The following SEMA3D variants were observed in gnomAD, a reference collection of about 807,000 sequenced individuals.
The protein encoded by SEMA3D is semaphorin 3D.
A neutral mutation model predicts 100.1 loss-of-function variants in SEMA3D; 84 were observed. That is an observed-to-expected ratio of 0.84 (90% CI 0.70 to 1.01). The LOEUF (loss-of-function observed/expected upper bound fraction) is 1.01. Among genes scored for constraint, SEMA3D ranks in the 50% least tolerant of loss-of-function variants. SEMA3D has a pLI of 0.00. For synonymous variants in SEMA3D, 312 were observed against 320.7 expected, an observed-to-expected ratio of 0.97 and a Z score of 0.29; for missense variants, 875 against 934.1, an observed-to-expected ratio of 0.94 and a Z score of 0.82.
In SEMA3D at chr7:85,010,394, GTAAGTGGGGTATACAAC is replaced by G. The variant is rs549193343; in HGVS notation, c.1768+2371_1768+2387del. ...GTTTTTAAAAAGATGACTCTGGCTA[GTAAGTGGGGTATACAAC>G]TAAGTGGGGTACAGACAGAAGTGGT... On this transcript the variant is annotated intron_variant, in intron 17 of 18. Transcript: ENST00000284136. Among the ~76,000 whole-genome samples, 542 of 151,928 alleles carry G rather than the reference GTAAGTGGGGTATACAAC, an allele frequency of 3.6e-3. 1 individual carries two copies. The highest frequency in any genetic ancestry group is 0.011 in the African/African-American group (444 of 41,508).
At chr7:85,100,534 C>A (rs1788713500) in intron 3 of SEMA3D, among the ~76,000 whole-genome samples, 1 of 151,526 alleles carries the variant, frequency 6.6e-6, no homozygotes, top group Non-Finnish European at 1.5e-5. Flanking sequence ...GACTTTTAAC[C>A]AATTCATTAT....
the SEMA3D span, among the ~76,000 whole-genome samples, chr7:85,195,645 C>T: frequency 6.6e-6 from 1 of 152,086 alleles, no homozygotes; most frequent in African/African-American, 2.4e-5. Context: ...TTTACTTCTT[C>T]AACTCAGCGC....
intron 17 of SEMA3D, 152 bp from the exon 18 acceptor site, chr7:85,007,093 C>G (rs1014484534): frequency 1.8e-5 from 9 of 506,322 alleles, no homozygotes; most frequent in Non-Finnish European, 2.7e-5. Context: ...TTACCTGAGA[C>G]AAATATTACA....
chr7:85,223,944 C>A, the SEMA3D span, among the ~76,000 whole-genome samples: 2 of 151,746 alleles, frequency 1.3e-5, no homozygotes, highest in Non-Finnish European at 2.9e-5. Flanking sequence ...AAGAACCACA[C>A]ACTACAATTC....
rs770196646 is a variant in SEMA3D, at chr7:84,999,594, A to G, written c.2180T>C (p.Leu727Pro). The G allele has an allele frequency of 6.2e-7, 1 of 1,614,060 alleles. No homozygotes were observed. The change falls in exon 19 of 19, where the codon CTC becomes CCC. Residue 727 changes from leucine to proline, a missense_variant. Leu to Pro is a moderately conservative substitution (Grantham distance 98). Transcript: ENST00000284136. The stretch of plus-strand genomic sequence containing the variant: ...CCACATCTGTTCGCAGTACTGGTCG[A>G]GGCTGAAGTTTGGGCTGCTAAGGAT... ...IQILSSPNFS[L>P]DQYCEQMWHR...
the SEMA3D span, among the ~76,000 whole-genome samples, chr7:85,249,357 CAATT>C: frequency 6.6e-6 from 1 of 151,932 alleles, no homozygotes; most frequent in Non-Finnish European, 1.5e-5. Flanking sequence ...GGATACCTGA[CAATT>C]AAAGGTAATA....
chr7:85,006,384 T>C (rs980323262), intron 18 of SEMA3D, among the ~76,000 whole-genome samples: 2 of 151,976 alleles, frequency 1.3e-5, no homozygotes, highest in Non-Finnish European at 2.9e-5. Flanking sequence ...TTGATAAACA[T>C]AGATATTTCT....
the SEMA3D span, among the ~76,000 whole-genome samples, chr7:85,249,445 G>T: frequency 1.3e-5 from 2 of 152,092 alleles, no homozygotes; most frequent in East Asian, 1.9e-4. Flanking sequence ...ATAAAGAATG[G>T]GCTTTAGTTA....
intron 3 of SEMA3D, among the ~76,000 whole-genome samples, chr7:85,111,525 A>G (rs530464035): frequency 6.6e-6 from 1 of 152,172 alleles, no homozygotes; most frequent in South Asian, 2.1e-4. Context: ...TGTTGGCTCT[A>G]TCTTTGTGTA....
chr7:85,173,407 C>T (rs985492152), intron 1 of SEMA3D, among the ~76,000 whole-genome samples: 1 of 152,084 alleles, frequency 6.6e-6, no homozygotes, highest in African/African-American at 2.4e-5. Context: ...CCTCACATCA[C>T]TGTAGCATGA....
chr7:85,025,513 T>C (rs1790368455), intron 12 of SEMA3D, among the ~76,000 whole-genome samples: 1 of 151,898 alleles, frequency 6.6e-6, no homozygotes, highest in Non-Finnish European at 1.5e-5. Flanking sequence ...AGGAGAAAAA[T>C]GGTTTTTATC....
chr7:85,236,866 C>A, the SEMA3D span, among the ~76,000 whole-genome samples: 1 of 152,016 alleles, frequency 6.6e-6, no homozygotes. Context: ...GATGCTAGAG[C>A]TAAAGAATTT....
chr7:85,090,698 G>A (rs1788359272), intron 4 of SEMA3D, among the ~76,000 whole-genome samples: 1 of 152,006 alleles, frequency 6.6e-6, no homozygotes, highest in Non-Finnish European at 1.5e-5. Flanking sequence ...AATAGAACTG[G>A]AGTCAGAACA....
At chr7:85,045,365 TA>T (rs1365576048) in intron 9 of SEMA3D, among the ~76,000 whole-genome samples, 3 of 152,032 alleles carry the variant, frequency 2.0e-5, no homozygotes, top group East Asian at 1.9e-4. Flanking sequence ...GAAGAACTAC[TA>T]AAAAATTTAG....
chr7:85,156,591 A>T (rs1321905795), intron 1 of SEMA3D, among the ~76,000 whole-genome samples: 1 of 152,178 alleles, frequency 6.6e-6, no homozygotes, highest in African/African-American at 2.4e-5. Context: ...GTATTGAAAA[A>T]TTTTAAGAAT....
the SEMA3D span, among the ~76,000 whole-genome samples, chr7:85,209,187 T>C: frequency 6.6e-6 from 1 of 152,032 alleles, no homozygotes; most frequent in Non-Finnish European, 1.5e-5. Context: ...CCAAGTCTGG[T>C]ATAAATGGTA....
intron 12 of SEMA3D, among the ~76,000 whole-genome samples, chr7:85,026,553 T>C (rs554439821): frequency 3.5e-4 from 54 of 152,202 alleles, no homozygotes; most frequent in African/African-American, 1.2e-3. Flanking sequence ...TACTCTGTAG[T>C]TTTCAGTCTC....
intron 3 of SEMA3D, among the ~76,000 whole-genome samples, chr7:85,114,219 C>T (rs937973296): frequency 1.3e-5 from 2 of 152,118 alleles, no homozygotes; most frequent in African/African-American, 4.8e-5. Flanking sequence ...ATTTTTGTGT[C>T]ATAGCTTTTT....
chr7:85,229,696 C>G, the SEMA3D span, among the ~76,000 whole-genome samples: 5 of 152,122 alleles, frequency 3.3e-5, no homozygotes, highest in South Asian at 4.1e-4. Flanking sequence ...ATACAAATTC[C>G]CTTCTAATAA....
Sources: allele counts gnomAD v4.1 joint callset (sites outside exome capture counted in the v4.1 genomes callset), GRCh38; gene constraint gnomAD v4.1.1; transcripts MANE v1.5; gene names NCBI Gene and HGNC (gene_info 2026-07-23, HGNC 2026-07-21).